Variants in WWC1 observed in about 807,000 individuals in gnomAD.
WWC1 encodes the protein protein KIBRA.
Under a neutral mutation model 138.4 loss-of-function variants are expected in WWC1, and 55 were observed. The observed-to-expected ratio is 0.40, with a 90% CI of 0.32 to 0.50. The LOEUF (loss-of-function observed/expected upper bound fraction) is 0.50. Ranked by LOEUF, WWC1 falls within the 20% of genes least tolerant of loss-of-function variation. The probability of loss-of-function intolerance (pLI) is 0.72; values close to 1 mark genes in which losing one functional copy is unlikely to be tolerated. For synonymous variants in WWC1, 524 were observed against 564.9 expected, an observed-to-expected ratio of 0.93 and a Z score of 1.03; for missense variants, 1,226 against 1,420.4, an observed-to-expected ratio of 0.86 and a Z score of 2.20.
At chr5:168,314,579 A>T (rs1771407684) in intron 1 of WWC1, among the ~76,000 whole-genome samples, 2 of 152,118 alleles carry the variant, frequency 1.3e-5, no homozygotes, top group South Asian at 4.2e-4. Flanking sequence ...AAAAAAGAAA[A>T]AAAAAGGAAA....
chr5:168,315,726 A>G lies in WWC1; in HGVS notation c.119+23455A>G, dbSNP rs555390914. ...TGCAAGTGAAGGGTGCTGAGCGGCAACGGAAGGGCTACAGAGTAGGGGTGA... is the reference window on the plus strand; with the variant it reads ...TGCAAGTGAAGGGTGCTGAGCGGCAGCGGAAGGGCTACAGAGTAGGGGTGA... On this transcript the variant is annotated intron_variant, in intron 1 of 22. Coordinates refer to ENST00000265293, the MANE Select transcript of WWC1 (RefSeq NM_015238.3). Among the ~76,000 whole-genome samples the G allele has an allele frequency of 6.6e-5, 10 of 152,256 alleles. No homozygotes were observed. In the South Asian group the frequency reaches 2.1e-3, roughly 32 times the overall value.
intron 1 of WWC1, among the ~76,000 whole-genome samples, chr5:168,306,795 C>A (rs1384688034): frequency 1.3e-5 from 2 of 152,088 alleles, no homozygotes. Flanking sequence ...TGGGGTTTCG[C>A]CATGTTGGCC....
intron 1 of WWC1, among the ~76,000 whole-genome samples, chr5:168,341,477 A>G (rs1240081455): frequency 2.0e-5 from 3 of 152,130 alleles, no homozygotes; most frequent in African/African-American, 7.2e-5. Context: ...AAATCTCTCC[A>G]GCCCCAGGCA....
chr5:168,335,961 G>A (rs754226794), intron 1 of WWC1, among the ~76,000 whole-genome samples: 7 of 152,188 alleles, frequency 4.6e-5, no homozygotes, highest in Non-Finnish European at 8.8e-5. Flanking sequence ...AGAGCAAATC[G>A]CTTGTCCTCT....
chr5:168,320,560 A>G (rs1180112840), intron 1 of WWC1, among the ~76,000 whole-genome samples: 1 of 152,190 alleles, frequency 6.6e-6, no homozygotes, highest in Non-Finnish European at 1.5e-5. Context: ...TTACCAGGAT[A>G]ACTCAGTGAA....
Position 168,424,048 on chromosome 5 carries a change from A to G in WWC1, c.1790A>G (p.Glu597Gly), listed in dbSNP as rs1467282248. The G allele has an allele frequency of 6.2e-7, 1 of 1,604,158 alleles. No individual in the cohort carries two copies. The highest frequency in any genetic ancestry group is 1.7e-5 in the Admixed American group (1 of 59,454). ...TACCGGCTGGAGGAACCAGGAACGGAGGGCAAGCAGCTGGGCCAAGGTAGA... is the reference window on the plus strand; with the variant it reads ...TACCGGCTGGAGGAACCAGGAACGGGGGGCAAGCAGCTGGGCCAAGGTAGA... ...ERYRLEEPGT[E>G]GKQLGQAVNT... Residue 597 changes from glutamate to glycine, a missense_variant, in exon 11 of 23, where the codon GAG becomes GGG. Around this residue, in one of 3 missense-constraint regions of WWC1, gnomAD observed 1,016 missense variants for 1,153.9 expected, o/e 0.88. Transcript: ENST00000265293.
intron 4 of WWC1, among the ~76,000 whole-genome samples, chr5:168,398,972 A>G (rs1439251807): frequency 2.6e-5 from 4 of 152,242 alleles, no homozygotes; most frequent in African/African-American, 9.6e-5. Flanking sequence ...AATACAGTGT[A>G]GGCCACACAA....
chr5:168,450,405 C>T (rs924972550), intron 17 of WWC1, among the ~76,000 whole-genome samples: 4 of 152,088 alleles, frequency 2.6e-5, no homozygotes, highest in African/African-American at 7.2e-5. Context: ...CGGTGACTCA[C>T]GCCTGTAATT....
intron 8 of WWC1, 143 bp from the exon 9 acceptor site, chr5:168,414,205 A>G: frequency 7.8e-7 from 1 of 1,288,730 alleles, no homozygotes; most frequent in Middle Eastern, 2.7e-4. Context: ...TTAGAAAAAA[A>G]ATAGGTTCCT....
At position 168,292,546 on chromosome 5, in the gene WWC1, A is replaced by G. The variant is rs1769150991; in HGVS notation, c.119+275A>G. On this transcript the variant is annotated intron_variant, in intron 1 of 22. Transcript: ENST00000265293. This position sits in a 1 kb window ranked among gnomAD's most constrained non-coding sequence, Gnocchi z 4.4. ...TAGGCCCCAGCCGGCACCTGCCCGG[A>G]GTTTTGACCTTAAGCTCTAGCCCCG... Among the ~76,000 whole-genome samples the G allele has an allele frequency of 6.6e-6, 1 of 151,150 alleles. No homozygotes were observed. Among genetic ancestry groups the G allele is most frequent in the Non-Finnish European group, 1.5e-5 (1 of 67,916 alleles).
intron 1 of WWC1, among the ~76,000 whole-genome samples, chr5:168,337,609 G>A (rs1773603835): frequency 6.6e-6 from 1 of 152,246 alleles, no homozygotes; most frequent in South Asian, 2.1e-4. Context: ...GGCAGGCCTG[G>A]TGATGAACAA....
chr5:168,439,129 C>T (rs962457677), intron 15 of WWC1, among the ~76,000 whole-genome samples: 1 of 152,160 alleles, frequency 6.6e-6, no homozygotes, highest in East Asian at 1.9e-4. Context: ...ATACTTACCC[C>T]ACTCTCTTGC....
intron 6 of WWC1, among the ~76,000 whole-genome samples, chr5:168,406,810 C>T (rs900210024): frequency 1.3e-5 from 2 of 151,836 alleles, no homozygotes; most frequent in African/African-American, 2.4e-5. Flanking sequence ...GTTGCAGTGG[C>T]GGGCGCCTGT....
intron 1 of WWC1, among the ~76,000 whole-genome samples, chr5:168,360,442 G>T (rs1210826978): frequency 6.6e-6 from 1 of 152,156 alleles, no homozygotes; most frequent in African/African-American, 2.4e-5. Context: ...CAGAAATATT[G>T]TTAGAATAAA....
At chr5:168,378,434 A>T (rs1373689675) in intron 2 of WWC1, among the ~76,000 whole-genome samples, 1 of 152,234 alleles carries the variant, frequency 6.6e-6, no homozygotes, top group African/African-American at 2.4e-5. Context: ...TAAATTTTTT[A>T]AAAAGGGAAA....
chr5:168,390,312 GT>G lies in WWC1; in HGVS notation c.433+4906del, dbSNP rs754647866. Among the ~76,000 whole-genome samples the G allele has an allele frequency of 4.5e-3, 682 of 152,016 alleles. 2 individuals carry two copies. The highest frequency in any genetic ancestry group is 6.9e-3 in the Admixed American group (105 of 15,266). On this transcript the variant is annotated intron_variant, in intron 3 of 22. Coordinates refer to ENST00000265293, the MANE Select transcript of WWC1 (RefSeq NM_015238.3). ...CATTCGCATTGTAAATGAAAAAGAG[GT>G]TTTTTTTACAGATCTCTGGAACCAA...
chr5:168,320,489 G>T (rs557420288), intron 1 of WWC1, among the ~76,000 whole-genome samples: 2 of 152,262 alleles, frequency 1.3e-5, no homozygotes, highest in South Asian at 4.1e-4. Flanking sequence ...TCAGTTACAA[G>T]ACCTCTCTGT....
chr5:168,365,681 G>A (rs991093167), intron 1 of WWC1, among the ~76,000 whole-genome samples: 2 of 152,238 alleles, frequency 1.3e-5, no homozygotes, highest in African/African-American at 4.8e-5. Context: ...CTCCCCGACA[G>A]GTGTGCCTGT....
intron 21 of WWC1, among the ~76,000 whole-genome samples, chr5:168,467,072 A>G (rs1757358375): frequency 6.6e-6 from 1 of 152,146 alleles, no homozygotes; most frequent in South Asian, 2.1e-4. Flanking sequence ...CCATCCTTTG[A>G]ATGGTGAAAC....
Sources: allele counts gnomAD v4.1 joint callset (sites outside exome capture counted in the v4.1 genomes callset), GRCh38; gene constraint gnomAD v4.1.1; regional missense constraint gnomAD v4.1.1; non-coding constraint Gnocchi (gnomAD v3.1); transcripts MANE v1.5; gene names NCBI Gene and HGNC (gene_info 2026-07-23, HGNC 2026-07-21).